Variants in DISC1 observed in about 807,000 individuals in gnomAD.
DISC1 encodes the protein DISC1 scaffold protein, also known as disrupted in schizophrenia 1 protein.
In DISC1, 57 loss-of-function variants were observed where a neutral mutation model predicts 84.5. That is an observed-to-expected ratio of 0.67 (90% CI 0.55 to 0.84). DISC1 has a LOEUF of 0.84. DISC1 is among the 40% of genes least tolerant of loss of function. DISC1 has a pLI of 0.00. For missense variants in DISC1, 1,000 were observed against 1,057.8 expected (o/e 0.95, Z 0.76); for synonymous variants, 411 against 415.2 (o/e 0.99, Z 0.12).
At chr1:231,735,881 C>T (rs557294020) in intron 3 of DISC1, among the ~76,000 whole-genome samples, 4 of 152,208 alleles carry the variant, frequency 2.6e-5, no homozygotes, top group South Asian at 2.1e-4. Context: ...GATGTGATAT[C>T]GGCTCACTGC....
chr1:231,669,076 G>A (rs997007711), intron 1 of DISC1, among the ~76,000 whole-genome samples: 4 of 152,176 alleles, frequency 2.6e-5, no homozygotes, highest in Admixed American at 6.5e-5. Context: ...TATAGAAGGA[G>A]CCCTTGTTCT....
At chr1:232,011,952 A>T (rs1010606996) in intron 11 of DISC1, among the ~76,000 whole-genome samples, 4 of 152,150 alleles carry the variant, frequency 2.6e-5, no homozygotes, top group African/African-American at 9.7e-5. Context: ...GCATCTCCAC[A>T]TCTGTTAAGA....
At chr1:231,972,110 G>A (rs1662056713) in intron 10 of DISC1, among the ~76,000 whole-genome samples, 1 of 152,304 alleles carries the variant, frequency 6.6e-6, no homozygotes, top group South Asian at 2.1e-4. Flanking sequence ...ATGAACTGAA[G>A]CCTGTCTCTT....
At chr1:232,010,851 A>C (rs575132856) in intron 11 of DISC1, among the ~76,000 whole-genome samples, 17 of 152,288 alleles carry the variant, frequency 1.1e-4, no homozygotes, top group African/African-American at 3.8e-4. Flanking sequence ...TTCAGAGATA[A>C]GGATACTCCT....
chr1:231,844,105 T>A (rs2083277997), intron 9 of DISC1, among the ~76,000 whole-genome samples: 1 of 152,130 alleles, frequency 6.6e-6, no homozygotes, highest in East Asian at 1.9e-4. Flanking sequence ...CAGGAGTGTG[T>A]GAGGAGCACG....
chr1:231,791,339 G>C (rs1393275031), intron 6 of DISC1, among the ~76,000 whole-genome samples: 1 of 152,100 alleles, frequency 6.6e-6, no homozygotes, highest in East Asian at 1.9e-4. Context: ...AGACTGCCTG[G>C]GTTACTGTTT....
rs759467695 is a variant in DISC1 at position 231,750,081 on chromosome 1, G to A, written c.1268+5G>A. The A allele has an allele frequency of 1.2e-6, 2 of 1,611,222 alleles. No individual in the cohort carries two copies. The highest frequency in any genetic ancestry group is 4.5e-5 in the East Asian group (2 of 44,828). On this transcript the variant is annotated splice_donor_5th_base_variant and intron_variant, in intron 4 of 12. Transcript: ENST00000439617. ...GCGCCGTGGGGCCACTCAGCAGTGA[G>A]TACTTGTTATTGTCACCATTTTCCC...
intron 4 of DISC1, among the ~76,000 whole-genome samples, chr1:231,753,368 G>C (rs1429414974): frequency 6.6e-6 from 1 of 152,252 alleles, no homozygotes; most frequent in Non-Finnish European, 1.5e-5. Flanking sequence ...AATTGCCAAG[G>C]CTTATGGCTT....
At chr1:231,766,736 C>A (rs2076203175) in intron 4 of DISC1, among the ~76,000 whole-genome samples, 1 of 152,044 alleles carries the variant, frequency 6.6e-6, no homozygotes, top group South Asian at 2.1e-4. Context: ...TTCAATATAT[C>A]CAAAATATTA....
intron 8 of DISC1, among the ~76,000 whole-genome samples, chr1:231,800,996 C>CT (rs1364407862): frequency 6.6e-6 from 1 of 151,604 alleles, no homozygotes; most frequent in Non-Finnish European, 1.5e-5. Flanking sequence ...TTGAATGGAC[C>CT]CAGAGCTCAT....
intron 6 of DISC1, among the ~76,000 whole-genome samples, chr1:231,772,476 C>A (rs769587267): frequency 6.6e-6 from 1 of 152,126 alleles, no homozygotes; most frequent in African/African-American, 2.4e-5. Flanking sequence ...GTTGAGAATA[C>A]GGACTCTGCC....
chr1:231,641,585 G>A (rs1380022790), intron 1 of DISC1, among the ~76,000 whole-genome samples: 1 of 152,206 alleles, frequency 6.6e-6, no homozygotes, highest in African/African-American at 2.4e-5. Context: ...GACCGGAGAG[G>A]GTTGCCGCTG....
intron 6 of DISC1, among the ~76,000 whole-genome samples, chr1:231,778,380 T>A (rs189125388): frequency 6.8e-4 from 103 of 152,302 alleles, no homozygotes; most frequent in Admixed American, 6.7e-3. Flanking sequence ...ATGAAATAAG[T>A]TAAAATAAGC....
At chr1:231,840,057 T>C (rs561790473) in intron 9 of DISC1, among the ~76,000 whole-genome samples, 1 of 152,156 alleles carries the variant, frequency 6.6e-6, no homozygotes, top group African/African-American at 2.4e-5. Context: ...AAACACAGTC[T>C]CATATAAATG....
intron 9 of DISC1, among the ~76,000 whole-genome samples, chr1:231,944,663 C>T (rs1009684111): frequency 6.6e-6 from 1 of 152,174 alleles, no homozygotes; most frequent in Admixed American, 6.5e-5. Flanking sequence ...TTTCCTTCCA[C>T]ATACCCTTAA....
At chr1:231,670,069 TG>T (rs2125448186) in intron 1 of DISC1, among the ~76,000 whole-genome samples, 1 of 152,202 alleles carries the variant, frequency 6.6e-6, no homozygotes, top group South Asian at 2.1e-4. Context: ...GGGACCTGGA[TG>T]GAGCGGGAGG....
chr1:231,655,112 A>G (rs1471831202), intron 1 of DISC1, among the ~76,000 whole-genome samples: 1 of 152,192 alleles, frequency 6.6e-6, no homozygotes, highest in Non-Finnish European at 1.5e-5. Flanking sequence ...TTTTTTTAAA[A>G]AAGTATTTTA....
chr1:231,767,076 T>A, intron 4 of DISC1, 64 bp from the exon 5 acceptor site: 19 of 1,600,042 alleles, frequency 1.2e-5, no homozygotes, highest in Non-Finnish European at 1.6e-5. Flanking sequence ...ACTCTTAAAA[T>A]ACTTGTCAAC....
intron 9 of DISC1, among the ~76,000 whole-genome samples, chr1:231,917,085 TATC>T (rs1482412736): frequency 1.3e-5 from 2 of 152,200 alleles, no homozygotes; most frequent in Non-Finnish European, 2.9e-5. Flanking sequence ...TGTAAGGAAT[TATC>T]ATAATGTTAA....
Sources: allele counts gnomAD v4.1 joint callset (sites outside exome capture counted in the v4.1 genomes callset), GRCh38; gene constraint gnomAD v4.1.1; transcripts MANE v1.5; gene names NCBI Gene and HGNC (gene_info 2026-07-23, HGNC 2026-07-21).